The following TNC variants were observed in gnomAD, a reference collection of about 807,000 sequenced individuals.
TNC encodes the protein tenascin C.
TNC carries 109 observed loss-of-function variants against 202.4 expected under a neutral mutation model. The observed-to-expected ratio is 0.54, with a 90% CI of 0.46 to 0.63. The LOEUF is 0.63. TNC is among the 30% of genes least tolerant of loss of function. The pLI, the probability that TNC is intolerant of heterozygous loss-of-function variation, is 0.00. For synonymous variants in TNC, 1,007 were observed against 1,089.7 expected (o/e 0.92, Z 1.50); for missense variants, 2,756 against 2,833.3 (o/e 0.97, Z 0.62).
chr9:115,052,084 A>G (rs898969420), intron 15 of TNC, among the ~76,000 whole-genome samples: 10 of 149,614 alleles, frequency 6.7e-5, no homozygotes, highest in Non-Finnish European at 3.0e-5. Flanking sequence ...ATATACATAT[A>G]TATATATATA....
chr9:115,088,296 G>A (rs1165035277), intron 2 of TNC, among the ~76,000 whole-genome samples: 2 of 152,132 alleles, frequency 1.3e-5, no homozygotes, highest in African/African-American at 4.8e-5. Context: ...GGCTCAAGTT[G>A]GTATGTGGGT....
chr9:115,077,327 A>T (rs1833948671), intron 7 of TNC, among the ~76,000 whole-genome samples: 1 of 152,150 alleles, frequency 6.6e-6, no homozygotes. Context: ...AAGTGCTGGG[A>T]TTACAGGCGT....
intron 27 of TNC, 138 bp downstream of exon 27, chr9:115,023,835 C>G: frequency 9.6e-7 from 1 of 1,043,024 alleles, no homozygotes; most frequent in Non-Finnish European, 1.4e-6. Flanking sequence ...TGCTCACTGC[C>G]TTGGGAAAAA....
chr9:115,076,724 T>C lies in TNC; in HGVS notation c.2675-149A>G, dbSNP rs546984317. The C allele has an allele frequency of 3.8e-4, 340 of 891,038 alleles. 1 individual carries two copies. The East Asian group carries it at 8.2e-3, about 22-fold the overall frequency. The allele number at this position is 891,038 out of a possible 1,614,324, so 55.2% of individuals were successfully genotyped here. ...CACTCATCTGTCCCCATAGTGGATG[T>C]GCAAATCTAAACAAGTGCTACAGAT... On this transcript the variant is annotated intron_variant, in intron 7 of 27. Transcript: ENST00000350763.
At chr9:115,074,301 G>A (rs1156762812) in intron 9 of TNC, among the ~76,000 whole-genome samples, 2 of 152,190 alleles carry the variant, frequency 1.3e-5, no homozygotes, top group South Asian at 2.1e-4. Flanking sequence ...TCCCCAATGT[G>A]AAGACATTTG....
At chr9:115,056,090 G>A (rs942902239) in intron 15 of TNC, among the ~76,000 whole-genome samples, 2 of 152,278 alleles carry the variant, frequency 1.3e-5, no homozygotes, top group African/African-American at 4.8e-5. Context: ...TGACCTAAAT[G>A]ACAGGCAATT....
chr9:115,049,055 A>C (rs1831438877), intron 15 of TNC, among the ~76,000 whole-genome samples: 1 of 120,738 alleles, frequency 8.3e-6, no homozygotes, highest in African/African-American at 3.6e-5. Flanking sequence ...ACAAGCTGAA[A>C]TAAAGGGAGG....
In TNC at chr9:115,048,323, C is replaced by A; in HGVS notation, c.4789G>T (p.Val1597Phe). The A allele has an allele frequency of 6.2e-7, 1 of 1,614,072 alleles. No homozygotes were observed. ...RGLITGIGYE[V>F]MVSGFTQGHQ... ...CCTTGGGTGAAGCCAGAGACCATAA[C>A]CTCATAGCCAATGCCAGTTATGAGG... Residue 1597 changes from valine to phenylalanine, a missense_variant, in exon 16 of 28, where the codon GTT becomes TTT. Physicochemically the swap from Val to Phe is conservative, Grantham distance 50. Transcript: ENST00000350763.
In TNC at chr9:115,020,308, C is replaced by T. The variant is rs1828973390; in HGVS notation, c.*849G>A. The T allele has an allele frequency of 6.5e-6, 1 of 152,724 alleles. No individual in the cohort carries two copies. Among genetic ancestry groups the T allele is most frequent in the Admixed American group, 6.5e-5 (1 of 15,270 alleles). The allele number at this position is 152,724 out of a possible 1,614,324, so 9.5% of individuals were successfully genotyped here. Reference sequence around the variant, plus strand: ...GGTTAAGCTATCCTCCCACCTTGGCCTCCCAAAGTGTTGGGATTACAGGCC... The same window carrying T: ...GGTTAAGCTATCCTCCCACCTTGGCTTCCCAAAGTGTTGGGATTACAGGCC... On this transcript the variant is annotated 3_prime_UTR_variant, in exon 28 of 28. Coordinates refer to ENST00000350763, the MANE Select transcript of TNC (RefSeq NM_002160.4).
chr9:115,086,633 G>A lies in TNC; in HGVS notation c.1098C>T (p.Gly366=), dbSNP rs1355793873. The A allele has an allele frequency of 5.6e-6, 9 of 1,614,202 alleles. No homozygotes were observed. The highest frequency in any genetic ancestry group is 6.8e-6 in the Non-Finnish European group (8 of 1,180,050). Residue 366 remains glycine (G), a synonymous_variant, in exon 3 of 28, where the codon GGC becomes GGT. Transcript: ENST00000350763. ...CEEGQCVCDE[G]FAGVDCSEKR... The stretch of plus-strand genomic sequence containing the variant: ...TCTCGCTGCAGTCCACACCGGCAAA[G>A]CCCTCATCACATACACACTGCCCCT...
Position 115,076,214 on chromosome 9 carries a change from TACA to T in TNC, c.2861-96_2861-94del. The T allele has an allele frequency of 2.1e-6, 3 of 1,436,968 alleles. No homozygotes were observed. The Admixed American group carries it at 5.2e-5, about 25-fold the overall frequency. The allele number at this position is 1,436,968 out of a possible 1,614,324, so 89.0% of individuals were successfully genotyped here. ...TGGCTTTGAGTTGGTCTCTGGAGGC[TACA>T]ACAAATTTTCGGAATGTTTTACAAA... On this transcript the variant is annotated intron_variant, in intron 8 of 27. Coordinates refer to ENST00000350763, the MANE Select transcript of TNC (RefSeq NM_002160.4).
At chr9:115,057,132 A>G in intron 15 of TNC, 21 bp downstream of exon 15, 1 of 1,595,326 alleles carries the variant, frequency 6.3e-7, no homozygotes, top group Non-Finnish European at 8.5e-7. Context: ...GTGCGTTAGA[A>G]ATGGGAGAAT....
Position 115,036,083 on chromosome 9 carries a change from T to C in TNC, c.5656+15A>G, listed in dbSNP as rs1564417185. ...CCCCAGAAGGGAGAGCTTCCAGCTCTCAGTGTCTTTGTACCTGTTGTGAAC... is the reference window on the plus strand; with the variant it reads ...CCCCAGAAGGGAGAGCTTCCAGCTCCCAGTGTCTTTGTACCTGTTGTGAAC... On this transcript the variant is annotated intron_variant, in intron 21 of 27. Coordinates refer to ENST00000350763, the MANE Select transcript of TNC (RefSeq NM_002160.4). The C allele has an allele frequency of 6.2e-7, 1 of 1,614,038 alleles. No individual in the cohort carries two copies. The highest frequency in any genetic ancestry group is 8.5e-7 in the Non-Finnish European group (1 of 1,179,924).
At chr9:115,021,536 T>C (rs903213183) in intron 27 of TNC, among the ~76,000 whole-genome samples, 1 of 152,218 alleles carries the variant, frequency 6.6e-6, no homozygotes, top group African/African-American at 2.4e-5. Context: ...CTTTGGTCTT[T>C]CCTCTTGAGG....
Position 115,038,362 on chromosome 9 carries a change from C to T in TNC, c.5411G>A (p.Gly1804Asp). 6.2e-7 allele frequency: 1 copy of T among 1,614,058 alleles called. No homozygotes were observed. Among genetic ancestry groups the T allele is most frequent in the Non-Finnish European group, 8.5e-7 (1 of 1,179,954 alleles). Residue 1804 changes from glycine to aspartate, a missense_variant, in exon 20 of 28, where the codon GGC becomes GAC. Physicochemically the swap from Gly to Asp is moderately conservative, Grantham distance 94. Around this residue, in one of 2 missense-constraint regions of TNC, gnomAD observed 2,559 missense variants for 2,546.0 expected, o/e 1.01. Transcript: ENST00000350763. ...GTCAGTGATGTTGGCTGTCACCAGG[C>T]CAGATGGGCCATCCAGAGCTGCAAA... Reference protein sequence around the residue: ...SFTTALDGPSGLVTANITDSE... With the variant: ...SFTTALDGPSDLVTANITDSE...
chr9:115,053,528 T>G (rs896851736), intron 15 of TNC, among the ~76,000 whole-genome samples: 1 of 152,268 alleles, frequency 6.6e-6, no homozygotes, highest in Non-Finnish European at 1.5e-5. Flanking sequence ...TAAACCTGTT[T>G]AATTTTGTTT....
intron 1 of TNC, among the ~76,000 whole-genome samples, chr9:115,111,207 C>G (rs1459447588): frequency 6.6e-6 from 1 of 152,146 alleles, no homozygotes; most frequent in East Asian, 1.9e-4. Flanking sequence ...CAGGCAGACT[C>G]TAAGGTGGCC....
At chr9:115,071,109 T>C (rs1331004685) in intron 10 of TNC, among the ~76,000 whole-genome samples, 1 of 152,248 alleles carries the variant, frequency 6.6e-6, no homozygotes, top group South Asian at 2.1e-4. Context: ...CCGTCTTCTT[T>C]GCTCTAGTAA....
intron 3 of TNC, 70 bp from the exon 4 acceptor site, chr9:115,084,542 C>A (rs1454403003): frequency 1.9e-6 from 3 of 1,545,098 alleles, no homozygotes; most frequent in African/African-American, 2.7e-5. Context: ...GTTTGTTTGA[C>A]CTGTCTTTTC....
Sources: gnomAD v4.1 joint callset for allele counts (sites outside exome capture counted in the v4.1 genomes callset) on GRCh38, gnomAD v4.1.1 for gene constraint, gnomAD v4.1.1 regional missense constraint, MANE v1.5 for transcripts, NCBI Gene and HGNC (gene_info 2026-07-23, HGNC 2026-07-21) for gene names.